RBFOX1: variants seen among roughly 807,000 people sequenced by gnomAD.
RBFOX1 encodes the protein RNA binding protein fox-1 homolog 1.
RBFOX1 carries 8 observed loss-of-function variants against 57.7 expected under a neutral mutation model. That is an observed-to-expected ratio of 0.14 (90% CI 0.08 to 0.25). The LOEUF is 0.25. RBFOX1 is among the 10% of genes least tolerant of loss of function. The pLI is 1.00. For missense variants in RBFOX1, 611 were observed against 548.5 expected, an observed-to-expected ratio of 1.11 and a Z score of -1.14; for synonymous variants, 326 against 222.4, an observed-to-expected ratio of 1.47 and a Z score of -4.15.
At chr16:5,813,225 C>G (rs566718946) in intron 3 of RBFOX1, among the ~76,000 whole-genome samples, 2 of 152,238 alleles carry the variant, frequency 1.3e-5, no homozygotes, top group East Asian at 1.9e-4. Flanking sequence ...TGAGGCTGGT[C>G]TTGAACTCCT....
chr16:6,737,637 G>A (rs1041376927), intron 3 of RBFOX1, among the ~76,000 whole-genome samples: 3 of 152,140 alleles, frequency 2.0e-5, no homozygotes, highest in African/African-American at 7.2e-5. Context: ...AATACAGTTG[G>A]GAAGAGTGAA....
intron 3 of RBFOX1, among the ~76,000 whole-genome samples, chr16:6,849,484 A>G (rs2093950112): frequency 6.6e-6 from 1 of 152,156 alleles, no homozygotes; most frequent in East Asian, 1.9e-4. Context: ...CCTCGCCAAT[A>G]TGGCAAAACC....
rs1001692508 is a variant in RBFOX1, at chr16:5,323,684, C to G, written c.219+83579C>G. 2.0e-5 allele frequency among the ~76,000 whole-genome samples: 3 copies of G among 152,338 alleles called. No individual in the cohort carries two copies. In the South Asian group the frequency reaches 6.2e-4, roughly 32 times the overall value. On this transcript the variant is annotated intron_variant, in intron 1 of 2. Transcript: ENST00000585867. ...AGTTATTTATATGTTAATAAGCTAACCCGGGCTTCAAAAGCCAGCTGATGA... is the reference window on the plus strand; with the variant it reads ...AGTTATTTATATGTTAATAAGCTAAGCCGGGCTTCAAAAGCCAGCTGATGA...
At chr16:5,747,095 G>A (rs542199136) in intron 3 of RBFOX1, among the ~76,000 whole-genome samples, 2 of 152,260 alleles carry the variant, frequency 1.3e-5, no homozygotes, top group East Asian at 1.9e-4. Context: ...TAGCATGAAT[G>A]GCTGTTGAAT....
intron 1 of RBFOX1, among the ~76,000 whole-genome samples, chr16:5,432,554 TG>T (rs1429230637): frequency 2.0e-4 from 26 of 130,730 alleles, no homozygotes; most frequent in Admixed American, 3.4e-4. Flanking sequence ...TTTTTTTGTT[TG>T]TTTGTTTTTT....
chr16:6,980,842 A>C (rs183529356), intron 3 of RBFOX1, among the ~76,000 whole-genome samples: 3 of 152,218 alleles, frequency 2.0e-5, no homozygotes, highest in Non-Finnish European at 4.4e-5. Context: ...CAGGAGTTCA[A>C]AACCAGTCTG....
At chr16:5,787,119 G>A (rs970587262) in intron 3 of RBFOX1, among the ~76,000 whole-genome samples, 1 of 152,190 alleles carries the variant, frequency 6.6e-6, no homozygotes, top group Non-Finnish European at 1.5e-5. Flanking sequence ...GGGAAACAGA[G>A]TGAGATACTG....
At chr16:7,642,107 A>C (rs2062922748) in intron 11 of RBFOX1, among the ~76,000 whole-genome samples, 1 of 152,160 alleles carries the variant, frequency 6.6e-6, no homozygotes, top group Non-Finnish European at 1.5e-5. Context: ...ACCCTGTCTC[A>C]AAAAATAAAG....
chr16:6,764,397 GCC>G, intron 3 of RBFOX1, among the ~76,000 whole-genome samples: 1 of 152,266 alleles, frequency 6.6e-6, no homozygotes, highest in Non-Finnish European at 1.5e-5. Context: ...GTGTCTGGTA[GCC>G]CATTCTTAGT....
At chr16:5,377,439 C>T (rs2066014369) in intron 1 of RBFOX1, among the ~76,000 whole-genome samples, 1 of 150,828 alleles carries the variant, frequency 6.6e-6, no homozygotes, top group Admixed American at 6.6e-5. Flanking sequence ...GCAGAGGGAA[C>T]AGAAAGTGCA....
chr16:6,904,970 C>A (rs182518768), intron 3 of RBFOX1, among the ~76,000 whole-genome samples: 2 of 152,214 alleles, frequency 1.3e-5, no homozygotes, highest in East Asian at 3.9e-4. Flanking sequence ...ATGAAGCCTC[C>A]CTGGCAGCCA....
intron 2 of RBFOX1, among the ~76,000 whole-genome samples, chr16:5,484,128 G>T (rs895746096): frequency 6.6e-6 from 1 of 152,186 alleles, no homozygotes; most frequent in Non-Finnish European, 1.5e-5. Flanking sequence ...CTGTGATCAT[G>T]CCACTGCACT....
intron 4 of RBFOX1, among the ~76,000 whole-genome samples, chr16:7,068,620 C>T (rs1169098914): frequency 6.6e-6 from 1 of 152,144 alleles, no homozygotes; most frequent in Non-Finnish European, 1.5e-5. Context: ...GAGTTTCACT[C>T]TTGTTTCCCA....
intron 2 of RBFOX1, among the ~76,000 whole-genome samples, chr16:6,641,457 G>T (rs967845482): frequency 2.6e-5 from 4 of 152,060 alleles, no homozygotes; most frequent in South Asian, 2.1e-4. Context: ...CCCTGACGCC[G>T]GGCACGGTGG....
intron 1 of RBFOX1, among the ~76,000 whole-genome samples, chr16:6,215,410 G>C (rs1452486371): frequency 6.9e-6 from 1 of 144,402 alleles, no homozygotes; most frequent in Non-Finnish European, 1.5e-5. Context: ...CAGGCAGAGA[G>C]GGAGGAGGAG....
chr16:5,710,866 GA>G (rs1375467083), intron 3 of RBFOX1, among the ~76,000 whole-genome samples: 2 of 152,240 alleles, frequency 1.3e-5, no homozygotes, highest in African/African-American at 2.4e-5. Context: ...GGGGGAGCCA[GA>G]AAGGGATGAC....
At chr16:6,140,645 C>T (rs2096708719) in intron 1 of RBFOX1, among the ~76,000 whole-genome samples, 1 of 152,194 alleles carries the variant, frequency 6.6e-6, no homozygotes, top group Admixed American at 6.5e-5. Context: ...GATCCCAACT[C>T]CTTCCCTCCT....
chr16:6,588,473 C>G (rs2097662608), intron 2 of RBFOX1, among the ~76,000 whole-genome samples: 1 of 151,944 alleles, frequency 6.6e-6, no homozygotes, highest in Non-Finnish European at 1.5e-5. Flanking sequence ...GCCAACATGA[C>G]AAAACCTCGC....
At chr16:7,513,482 T>C (rs2075667505) in intron 4 of RBFOX1, among the ~76,000 whole-genome samples, 1 of 152,112 alleles carries the variant, frequency 6.6e-6, no homozygotes, top group Non-Finnish European at 1.5e-5. Context: ...GCATGAAAAG[T>C]AGGGATTCTG....
Sources: allele counts gnomAD v4.1 joint callset (sites outside exome capture counted in the v4.1 genomes callset), GRCh38; gene constraint gnomAD v4.1.1; transcripts MANE v1.5; gene names NCBI Gene and HGNC (gene_info 2026-07-23, HGNC 2026-07-21).